The following KCP variants were observed in gnomAD, a reference collection of about 807,000 sequenced individuals.
The protein encoded by KCP is kielin/chordin-like protein.
KCP carries 194 observed loss-of-function variants against 212.7 expected under a neutral mutation model. The ratio of observed to expected loss-of-function variants is 0.91; its 90% CI spans 0.81 to 1.03. The LOEUF (loss-of-function observed/expected upper bound fraction) is 1.03, where lower values mean the gene tolerates loss of function less well. Among genes scored for constraint, KCP ranks in the 50% least tolerant of loss-of-function variants. KCP has a pLI of 0.00. For missense variants in KCP, 2,080 were observed against 2,162.5 expected (o/e 0.96, Z 0.76); for synonymous variants, 833 against 865.3 (o/e 0.96, Z 0.65).
intron 4 of KCP, among the ~76,000 whole-genome samples, chr7:128,906,671 G>A (rs559918518): frequency 6.6e-6 from 1 of 152,280 alleles, no homozygotes. Flanking sequence ...AAAGACTGGG[G>A]GAAGGTGGAT....
rs1460346136 is a variant in KCP, at chr7:128,910,588, C to T, written c.76+13G>A. ...ACCTGGCCGGACCCCAAGCCTCCCG[C>T]ACCTGGACTCACCTTCCGCGCCCGC... On this transcript the variant is annotated intron_variant, in intron 1 of 39. Transcript: ENST00000610776. The T allele has an allele frequency of 6.6e-6, 10 of 1,513,828 alleles. No individual in the cohort carries two copies. The highest frequency in any genetic ancestry group is 8.8e-6 in the Non-Finnish European group (10 of 1,138,188). 93.8% of individuals were successfully genotyped at this position (1,513,828 alleles called of 1,614,324 possible).
At chr7:128,877,843 G>T in intron 38 of KCP, 53 bp from the exon 39 acceptor site, 1 of 1,463,434 alleles carries the variant, frequency 6.8e-7, no homozygotes, top group Non-Finnish European at 9.2e-7. Context: ...GCTGGCCTCT[G>T]CATGCCGTGC....
chr7:128,892,255 G>A (rs1231353490), intron 16 of KCP, among the ~76,000 whole-genome samples: 1 of 151,216 alleles, frequency 6.6e-6, no homozygotes, highest in Admixed American at 6.6e-5. Flanking sequence ...TAGCGTGGTG[G>A]GGCGGGGGGC....
chr7:128,891,148 C>T (rs1359322293), intron 19 of KCP, 37 bp downstream of exon 19: 7 of 1,537,876 alleles, frequency 4.6e-6, no homozygotes, highest in Admixed American at 3.9e-5. Flanking sequence ...TCCGAGGGGA[C>T]CCCCAGGGAG....
intron 8 of KCP, among the ~76,000 whole-genome samples, chr7:128,897,481 G>A (rs1794598066): frequency 6.6e-6 from 1 of 152,166 alleles, no homozygotes; most frequent in African/African-American, 2.4e-5. Context: ...TGTGTGTGAT[G>A]TTTATATAGA....
At chr7:128,879,442 C>CCCCCTCTA in intron 37 of KCP, 80 bp downstream of exon 37, 1 of 1,244,962 alleles carries the variant, frequency 8.0e-7, no homozygotes, top group Middle Eastern at 2.7e-4. Flanking sequence ...GGCATCCCCA[C>CCCCCTCTA]CCCCTCTACA....
intron 23 of KCP, 37 bp from the exon 24 acceptor site, chr7:128,887,003 T>A: frequency 8.6e-7 from 1 of 1,159,926 alleles, no homozygotes; most frequent in Non-Finnish European, 1.3e-6. Context: ...TCAACTGGAC[T>A]GCACATTTCC....
chr7:128,905,401 T>G (rs1291228005), intron 5 of KCP, among the ~76,000 whole-genome samples: 1 of 152,172 alleles, frequency 6.6e-6, no homozygotes, highest in Non-Finnish European at 1.5e-5. Flanking sequence ...TGCATAGCCA[T>G]GACCTCCTCT....
chr7:128,891,445 A>G lies in KCP; in HGVS notation c.1878+6T>C. ...CTGGGCGCCTCCCACCCAGGTGCAGACTCACCAGACAGCGACACAGACGGC... is the reference window on the plus strand; with the variant it reads ...CTGGGCGCCTCCCACCCAGGTGCAGGCTCACCAGACAGCGACACAGACGGC... On this transcript the variant is annotated splice_donor_region_variant and intron_variant, in intron 18 of 39. Transcript: ENST00000610776. The G allele has an allele frequency of 6.5e-7, 1 of 1,550,004 alleles. No individual in the cohort carries two copies. The highest frequency in any genetic ancestry group is 8.7e-7 in the Non-Finnish European group (1 of 1,146,532).
intron 8 of KCP, among the ~76,000 whole-genome samples, chr7:128,901,100 G>A (rs189618522): frequency 5.6e-4 from 86 of 152,318 alleles, no homozygotes; most frequent in African/African-American, 1.9e-3. Context: ...AGATGGCGAC[G>A]AGAGTGACCT....
At chr7:128,908,706 C>A (rs1795283205) in intron 1 of KCP, 138 bp from the exon 2 acceptor site, 1 of 945,612 alleles carries the variant, frequency 1.1e-6, no homozygotes, top group Non-Finnish European at 1.5e-6. Context: ...CACCCACCAT[C>A]CAGGGCCGGG....
chr7:128,891,953 A>C, intron 16 of KCP, 134 bp from the exon 17 acceptor site: 1 of 630,452 alleles, frequency 1.6e-6, no homozygotes, highest in Middle Eastern at 3.9e-4. Context: ...GGCCATGTGC[A>C]CATGTGTGCA....
At chr7:128,901,139 C>G (rs1333865683) in intron 8 of KCP, among the ~76,000 whole-genome samples, 5 of 152,178 alleles carry the variant, frequency 3.3e-5, no homozygotes, top group South Asian at 4.1e-4. Flanking sequence ...ATACTCCCAC[C>G]AGGGCCATGA....
chr7:128,899,154 T>A (rs1346519802), intron 8 of KCP, among the ~76,000 whole-genome samples: 1 of 152,218 alleles, frequency 6.6e-6, no homozygotes, highest in Non-Finnish European at 1.5e-5. Flanking sequence ...GTTACTGGTA[T>A]GTGTTCCAAA....
At position 128,886,622 on chromosome 7, in the gene KCP, C is replaced by T. The variant is rs779614615; in HGVS notation, c.2772+33G>A. ...GGGGCCCAGAGGTGCTATGGTCCAG[C>T]TGTCACTCCACACCCCCCACCTCCT... On this transcript the variant is annotated intron_variant, in intron 25 of 39. Transcript: ENST00000610776. The T allele has an allele frequency of 3.0e-5, 47 of 1,550,966 alleles. No homozygotes were observed. In the South Asian group the frequency reaches 5.0e-4, roughly 16 times the overall value.
chr7:128,899,454 T>C (rs745975570), intron 8 of KCP, among the ~76,000 whole-genome samples: 9 of 152,342 alleles, frequency 5.9e-5, no homozygotes, highest in Non-Finnish European at 1.2e-4. Flanking sequence ...GAAAAAACTT[T>C]CAGAACTCAG....
At chr7:128,888,481 TAC>T (rs1341100059) in intron 22 of KCP, among the ~76,000 whole-genome samples, 85 of 77,414 alleles carry the variant, frequency 1.1e-3, no homozygotes, top group African/African-American at 4.1e-3. Context: ...CACACACAGA[TAC>T]ACAGATACAC....
chr7:128,888,091 CAT>C (rs1292821916), intron 22 of KCP, among the ~76,000 whole-genome samples: 7 of 145,972 alleles, frequency 4.8e-5, no homozygotes, highest in South Asian at 4.4e-4. Context: ...CACACACACA[CAT>C]ACCCACATAC....
intron 21 of KCP, among the ~76,000 whole-genome samples, chr7:128,889,321 T>C (rs998896286): frequency 6.6e-6 from 1 of 152,178 alleles, no homozygotes; most frequent in Non-Finnish European, 1.5e-5. Context: ...TGGGGTTAAA[T>C]ACTCAGCAGG....
Sources: gnomAD v4.1 joint callset for allele counts (sites outside exome capture counted in the v4.1 genomes callset) on GRCh38, gnomAD v4.1.1 for gene constraint, MANE v1.5 for transcripts, NCBI Gene and HGNC (gene_info 2026-07-23, HGNC 2026-07-21) for gene names.